The following EFNA3 variants were observed in gnomAD, a reference collection of about 807,000 sequenced individuals.
EFNA3 encodes the protein ephrin-A3.
Under a neutral mutation model 25.0 loss-of-function variants are expected in EFNA3, and 15 were observed. The observed-to-expected ratio is 0.60, with a 90% CI of 0.40 to 0.92. The LOEUF is 0.92. EFNA3 is among the 40% of genes least tolerant of loss of function. The probability of loss-of-function intolerance (pLI) is 0.00; values close to 1 mark genes in which losing one functional copy is unlikely to be tolerated. For missense variants in EFNA3, 298 were observed against 323.8 expected, an observed-to-expected ratio of 0.92 and a Z score of 0.61; for synonymous variants, 153 against 145.6, an observed-to-expected ratio of 1.05 and a Z score of -0.37.
Position 155,085,024 on chromosome 1 carries a change from G to T in EFNA3, c.129-67G>T, listed in dbSNP as rs575486139. The T allele has an allele frequency of 9.0e-6, 14 of 1,553,136 alleles. No individual in the cohort carries two copies. Among genetic ancestry groups the T allele is most frequent in the Non-Finnish European group, 1.2e-5 (14 of 1,138,996 alleles). Reference sequence around the variant, plus strand: ...GCGGACCCTGGGGAGGGGCTGCGGAGCGGTCAGATGGAAAGCGGCTTTGCT... The same window carrying T: ...GCGGACCCTGGGGAGGGGCTGCGGATCGGTCAGATGGAAAGCGGCTTTGCT... On this transcript the variant is annotated intron_variant, in intron 1 of 4. Coordinates refer to ENST00000368408, the MANE Select transcript of EFNA3 (RefSeq NM_004952.5). This position sits in a 1 kb window ranked among gnomAD's most constrained non-coding sequence, Gnocchi z 4.4.
chr1:155,086,564 G>GT lies in EFNA3; in HGVS notation c.*21_*22insT, dbSNP rs1663469334. 3 of 1,612,248 alleles carry GT rather than the reference G, an allele frequency of 1.9e-6. No individual in the cohort carries two copies. The highest frequency in any genetic ancestry group is 2.5e-6 in the Non-Finnish European group (3 of 1,179,042). ...CCTAGCTCTGCCCCCTCCCCTGGGG[G>GT]GGGAGAGATGGGGCGGGGCTTGGAA... On this transcript the variant is annotated 3_prime_UTR_variant, in exon 5 of 5. Coordinates refer to ENST00000368408, the MANE Select transcript of EFNA3 (RefSeq NM_004952.5).
chr1:155,085,554 C>T lies in EFNA3; in HGVS notation c.442+150C>T, dbSNP rs974456031. 8.0e-6 allele frequency: 8 copies of T among 997,006 alleles called. No individual in the cohort carries two copies. The highest frequency in any genetic ancestry group is 1.1e-5 in the Non-Finnish European group (8 of 697,864). The allele number at this position is 997,006 out of a possible 1,614,324, so 61.8% of individuals were successfully genotyped here. A position where few individuals can be genotyped will look rare whatever the true frequency, so the allele number is the denominator to read the frequency against. On this transcript the variant is annotated intron_variant, in intron 2 of 4. Coordinates refer to ENST00000368408, the MANE Select transcript of EFNA3 (RefSeq NM_004952.5). This position sits in a 1 kb window ranked among gnomAD's most constrained non-coding sequence, Gnocchi z 4.4. ...GGGAGGAGGCGTGGGCACGGGACGCCTGAGGGGTTCAGCTCAGACGAGGTC... is the reference window on the plus strand; with the variant it reads ...GGGAGGAGGCGTGGGCACGGGACGCTTGAGGGGTTCAGCTCAGACGAGGTC...
At position 155,084,989 on chromosome 1, in the gene EFNA3, G is replaced by C. The variant is rs1293082674; in HGVS notation, c.129-102G>C. On this transcript the variant is annotated intron_variant, in intron 1 of 4. Coordinates refer to ENST00000368408, the MANE Select transcript of EFNA3 (RefSeq NM_004952.5). ...CGCGAGGAAGCTCGGAGGAAAAGTC[G>C]GAAGGCTACGCGGACCCTGGGGAGG... is the stretch of plus-strand genomic sequence containing the variant. The C allele has an allele frequency of 2.9e-6, 4 of 1,357,928 alleles. No homozygotes were observed. In the East Asian group the frequency reaches 7.0e-5, roughly 24 times the overall value. The allele number at this position is 1,357,928 out of a possible 1,614,324, so 84.1% of individuals were successfully genotyped here.
At chr1:155,084,967 G>A in intron 1 of EFNA3, 124 bp from the exon 2 acceptor site, 1 of 1,127,858 alleles carries the variant, frequency 8.9e-7, no homozygotes, top group South Asian at 1.5e-5. Context: ...GCTGAGCCGC[G>A]AGGAAGCTCG....
In EFNA3 at chr1:155,079,049, C is replaced by T; in HGVS notation, c.108C>T (p.Tyr36=). The T allele has an allele frequency of 1.4e-6, 2 of 1,388,450 alleles. No homozygotes were observed. Among genetic ancestry groups the T allele is most frequent in the Non-Finnish European group, 1.9e-6 (2 of 1,067,610 alleles). The allele number at this position is 1,388,450 out of a possible 1,614,324, so 86.0% of individuals were successfully genotyped here. A position where few individuals can be genotyped will look rare whatever the true frequency, so the allele number is the denominator to read the frequency against. Residue 36 remains tyrosine, a synonymous_variant, in exon 1 of 5, where the codon TAC becomes TAT. Transcript: ENST00000368408. The surrounding 1 kb of genome is among the most constrained non-coding windows in gnomAD (Gnocchi z 7.7). ...GGALGNRHAV[Y]WNSSNQHLRR... is the part of the protein sequence containing the mutation. Reference sequence around the variant, plus strand: ...CGCTGGGAAACCGGCATGCGGTGTACTGGAACAGCTCCAACCAGCAGTGAG... The same window carrying T: ...CGCTGGGAAACCGGCATGCGGTGTATTGGAACAGCTCCAACCAGCAGTGAG...
intron 1 of EFNA3, among the ~76,000 whole-genome samples, chr1:155,084,263 T>A (rs941479442): frequency 6.6e-6 from 1 of 152,170 alleles, no homozygotes; most frequent in Admixed American, 6.5e-5. Flanking sequence ...AGCGCCCTCA[T>A]GTGTTTAAAG....
chr1:155,082,308 C>G (rs911177433), intron 1 of EFNA3, among the ~76,000 whole-genome samples: 49 of 152,332 alleles, frequency 3.2e-4, no homozygotes, highest in Non-Finnish European at 6.2e-4. Flanking sequence ...CGTCTAAGAC[C>G]GGGGCTGGGG....
chr1:155,078,852 GCCGACGGCGGCGGCAGCAGGGAGC>G lies in EFNA3; in HGVS notation c.-89_-66del. The G allele has an allele frequency of 7.7e-7, 1 of 1,295,464 alleles. No homozygotes were observed. Among genetic ancestry groups the G allele is most frequent in the Non-Finnish European group, 9.8e-7 (1 of 1,023,988 alleles). The allele number at this position is 1,295,464 out of a possible 1,614,324, so 80.2% of individuals were successfully genotyped here. On this transcript the variant is annotated 5_prime_UTR_variant, in exon 1 of 5. Transcript: ENST00000368408. The stretch of plus-strand genomic sequence containing the variant: ...CTGGGGGCGTGGCCTAAGGCTGGGG[GCCGACGGCGGCGGCAGCAGGGAGC>G]TGGGAAGCGGAGAAGCCGGGAGCGC...
intron 4 of EFNA3, 45 bp from the exon 5 acceptor site, chr1:155,086,368 C>G: frequency 6.2e-7 from 1 of 1,607,732 alleles, no homozygotes; most frequent in Non-Finnish European, 8.5e-7. Context: ...CCTGCCCTGG[C>G]GCGCAACCCA....
In EFNA3 at chr1:155,081,206, T is replaced by A. The variant is rs1462854; in HGVS notation, c.128+2137T>A. On this transcript the variant is annotated intron_variant, in intron 1 of 4. Transcript: ENST00000368408. This position sits in a 1 kb window ranked among gnomAD's most constrained non-coding sequence, Gnocchi z 5.2. ...GCACACCGGCCGCGACCTAGCCCTC[T>A]GCCCCCCACTCAGTACTTCCATTTA... 0.14 allele frequency among the ~76,000 whole-genome samples: 21,550 copies of A among 152,256 alleles called. 2,900 individuals are homozygous for A. Among genetic ancestry groups the A allele is most frequent in the African/African-American group, 0.36 (14,905 of 41,534 alleles).
rs1036978490 is a variant in EFNA3 at position 155,081,360 on chromosome 1, G to A, written c.128+2291G>A. 3.8e-4 allele frequency among the ~76,000 whole-genome samples: 58 copies of A among 152,250 alleles called. No homozygotes were observed. The highest frequency in any genetic ancestry group is 2.6e-4 in the Admixed American group (4 of 15,292). ...TAAGCCGGGAATCGAACTTGGTGAG[G>A]GGGGTTGGGACGGCCGATGGCCAAA... On this transcript the variant is annotated intron_variant, in intron 1 of 4. Coordinates refer to ENST00000368408, the MANE Select transcript of EFNA3 (RefSeq NM_004952.5). This position sits in a 1 kb window ranked among gnomAD's most constrained non-coding sequence, Gnocchi z 5.2.
In EFNA3 at chr1:155,085,674, G is replaced by A. The variant is rs1663440530; in HGVS notation, c.443-203G>A. 4 of 691,792 alleles carry A rather than the reference G, an allele frequency of 5.8e-6. No homozygotes were observed. Among genetic ancestry groups the A allele is most frequent in the Non-Finnish European group, 9.6e-6 (4 of 418,810 alleles). The allele number at this position is 691,792 out of a possible 1,614,324, so 42.9% of individuals were successfully genotyped here. ...GACATTCCGGGGTTGGAACATCAGGGATCCCAGTTTCTTGAGGGGTGGGAC... is the reference window on the plus strand; with the variant it reads ...GACATTCCGGGGTTGGAACATCAGGAATCCCAGTTTCTTGAGGGGTGGGAC... On this transcript the variant is annotated intron_variant, in intron 2 of 4. Transcript: ENST00000368408. The surrounding 1 kb of genome is among the most constrained non-coding windows in gnomAD (Gnocchi z 4.4).
At chr1:155,083,358 G>T (rs963737829) in intron 1 of EFNA3, among the ~76,000 whole-genome samples, 7 of 152,224 alleles carry the variant, frequency 4.6e-5, no homozygotes, top group Non-Finnish European at 7.3e-5. Flanking sequence ...CAGACTGTGG[G>T]TTGGTGACGG....
Position 155,085,934 on chromosome 1 carries a change from G to C in EFNA3, c.500G>C (p.Cys167Ser), listed in dbSNP as rs757677577. ...CTGAGGATGAAGGTGTTCGTCTGCT[G>C]CGCCTCCAGTGAGTAGAATAGGCTC... ...KCLRMKVFVC[C>S]ASTSHSGEKP... Residue 167 changes from cysteine (C) to serine (S), a missense_variant, in exon 3 of 5, where the codon TGC (cysteine) becomes TCC (serine). Cys to Ser is a moderately radical substitution (Grantham distance 112, BLOSUM62 -1). Transcript: ENST00000368408. The surrounding 1 kb of genome is among the most constrained non-coding windows in gnomAD (Gnocchi z 4.4). 6.2e-7 allele frequency: 1 copy of C among 1,611,232 alleles called. No homozygotes were observed. The highest frequency in any genetic ancestry group is 8.5e-7 in the Non-Finnish European group (1 of 1,178,834).
In EFNA3 at chr1:155,085,397, C is replaced by A. The variant is rs1416785550; in HGVS notation, c.435C>A (p.Tyr145Ter). Residue 145 changes from tyrosine to a stop codon, truncating the protein, a stop_gained, in exon 2 of 5, where the codon TAC (tyrosine) becomes TAA (stop). Transcript: ENST00000368408. LOFTEE classifies it high-confidence loss of function. This position sits in a 1 kb window ranked among gnomAD's most constrained non-coding sequence, Gnocchi z 4.4. ...GYEFHAGHEY[Y>*]YISTPTHNLH... ...AGTTCCACGCCGGCCACGAGTACTA[C>A]TACATCTGTGAGTGACGGCGGCCGG... is the stretch of plus-strand genomic sequence containing the variant. 1 of 1,593,628 alleles carries A rather than the reference C, an allele frequency of 6.3e-7. No individual in the cohort carries two copies. Among genetic ancestry groups the A allele is most frequent in the African/African-American group, 1.3e-5 (1 of 74,466 alleles).
At chr1:155,086,287 C>T in intron 4 of EFNA3, 82 bp downstream of exon 4, 2 of 1,595,984 alleles carry the variant, frequency 1.3e-6, no homozygotes, top group South Asian at 2.2e-5. Context: ...CGCATGCCTT[C>T]CCTGGGGGCA....
rs1217007702 is a variant in EFNA3 at position 155,079,874 on chromosome 1, G to A, written c.128+805G>A. 1.3e-5 allele frequency among the ~76,000 whole-genome samples: 2 copies of A among 151,980 alleles called. No individual in the cohort carries two copies. Among genetic ancestry groups the A allele is most frequent in the African/African-American group, 4.8e-5 (2 of 41,384 alleles). Reference sequence around the variant, plus strand: ...GGCTGCGGGTCGGGGAAGGGGCTGCGGTCGCTGTCCGCGCGGCCAGCTGCG... The same window carrying A: ...GGCTGCGGGTCGGGGAAGGGGCTGCAGTCGCTGTCCGCGCGGCCAGCTGCG... On this transcript the variant is annotated intron_variant, in intron 1 of 4. Transcript: ENST00000368408. The surrounding 1 kb of genome is among the most constrained non-coding windows in gnomAD (Gnocchi z 7.7).
In EFNA3 at chr1:155,086,763, C is replaced by A; in HGVS notation, c.*220C>A. 1.7e-6 allele frequency: 1 copy of A among 574,756 alleles called. No individual in the cohort carries two copies. 35.6% of individuals were successfully genotyped at this position (574,756 alleles called of 1,614,324 possible). ...GGGACAGCCATGGGTCCCGGGCGGC[C>A]TTGTGGCTCTGGTAATGTTTGGTAC... On this transcript the variant is annotated 3_prime_UTR_variant, in exon 5 of 5. Transcript: ENST00000368408.
chr1:155,080,636 G>C lies in EFNA3; in HGVS notation c.128+1567G>C, dbSNP rs1035540004. On this transcript the variant is annotated intron_variant, in intron 1 of 4. Transcript: ENST00000368408. The surrounding 1 kb of genome is among the most constrained non-coding windows in gnomAD (Gnocchi z 7.0). Reference sequence around the variant, plus strand: ...TTGGAGCACCTCAGCGTTCTTAGGGGAAGCCAGAGCCGGGGAGGATGCGGG... The same window carrying C: ...TTGGAGCACCTCAGCGTTCTTAGGGCAAGCCAGAGCCGGGGAGGATGCGGG... Among the ~76,000 whole-genome samples, 13 of 152,352 alleles carry C rather than the reference G, an allele frequency of 8.5e-5. No homozygotes were observed. The highest frequency in any genetic ancestry group is 2.1e-4 in the South Asian group (1 of 4,830).
Sources: allele counts gnomAD v4.1 joint callset (sites outside exome capture counted in the v4.1 genomes callset), GRCh38; gene constraint gnomAD v4.1.1; non-coding constraint Gnocchi (gnomAD v3.1); transcripts MANE v1.5; gene names NCBI Gene and HGNC (gene_info 2026-07-23, HGNC 2026-07-21).